The following ZNF831 variants were observed in gnomAD, a reference collection of about 807,000 sequenced individuals.
ZNF831 encodes the protein chromosome 20 open reading frame 174.
Under a neutral mutation model 95.8 loss-of-function variants are expected in ZNF831, and 59 were observed. That is an observed-to-expected ratio of 0.62 (90% CI 0.50 to 0.77). ZNF831 has a LOEUF of 0.77. Among genes scored for constraint, ZNF831 ranks in the 30% least tolerant of loss-of-function variants. The probability of loss-of-function intolerance (pLI) is 0.00; values close to 1 mark genes in which losing one functional copy is unlikely to be tolerated. For missense variants in ZNF831, 2,205 were observed against 2,164.0 expected, an observed-to-expected ratio of 1.02 and a Z score of -0.38; for synonymous variants, 961 against 925.5, an observed-to-expected ratio of 1.04 and a Z score of -0.70.
chr20:59,236,419 C>T (rs903267021), intron 4 of ZNF831, among the ~76,000 whole-genome samples: 2 of 152,148 alleles, frequency 1.3e-5, no homozygotes, highest in Non-Finnish European at 2.9e-5. Flanking sequence ...TTCCTCTCCT[C>T]TGCATGAGGG....
intron 3 of ZNF831, among the ~76,000 whole-genome samples, chr20:59,197,977 G>T (rs1601385009): frequency 6.6e-6 from 1 of 152,192 alleles, no homozygotes; most frequent in African/African-American, 2.4e-5. Flanking sequence ...AAGCCTCCAG[G>T]CATCATTGGA....
At chr20:59,218,839 C>A (rs186890003) in intron 4 of ZNF831, among the ~76,000 whole-genome samples, 117 of 152,020 alleles carry the variant, frequency 7.7e-4, no homozygotes, top group Non-Finnish European at 1.3e-3. Context: ...ATGGTGAAAC[C>A]CCCTCTCTAC....
intron 1 of ZNF831, among the ~76,000 whole-genome samples, chr20:59,180,773 A>G (rs544091136): frequency 3.0e-4 from 46 of 152,324 alleles, no homozygotes; most frequent in Middle Eastern, 3.4e-3. Context: ...CCAGTCTATC[A>G]CTGATGGGCA....
At chr20:59,160,148 G>A (rs1372357976), upstream of ZNF831, 1 of 152,420 alleles carries the variant, frequency 6.6e-6, no homozygotes, top group African/African-American at 2.4e-5. Flanking sequence ...CCCAGCCCTG[G>A]GGAGACTCCA....
At chr20:59,223,639 A>G (rs1986245338) in intron 4 of ZNF831, among the ~76,000 whole-genome samples, 1 of 152,170 alleles carries the variant, frequency 6.6e-6, no homozygotes, top group Non-Finnish European at 1.5e-5. Context: ...CATCTGTAAA[A>G]TGGGGGTGAT....
chr20:59,138,996 A>G (rs1248075787), intron 1 of ZNF831, among the ~76,000 whole-genome samples: 2 of 151,636 alleles, frequency 1.3e-5, no homozygotes, highest in Non-Finnish European at 1.5e-5. Flanking sequence ...GCCACTTTCA[A>G]TTCTGTTTCC....
rs1983753031 is a variant in ZNF831, at chr20:59,193,118, A to C, written c.2099A>C (p.Glu700Ala). The C allele has an allele frequency of 6.3e-7, 1 of 1,587,466 alleles. No homozygotes were observed. Among genetic ancestry groups the C allele is most frequent in the Admixed American group, 1.8e-5 (1 of 55,192 alleles). Residue 700 changes from glutamate (E) to alanine (A), a missense_variant, in exon 2 of 6, where the codon GAG becomes GCG. Glu to Ala is a moderately radical substitution (Grantham distance 107, BLOSUM62 -1). Transcript: ENST00000371030. The part of the protein sequence containing the change: ...PEPWGNPPAL[E>A]ASLVTEPTKH... ...CCTTGGGGAAATCCACCAGCCCTGG[A>C]GGCCTCCTTGGTGACTGAACCCACT...
chr20:59,234,097 G>A (rs6015462), intron 4 of ZNF831, among the ~76,000 whole-genome samples: 5,161 of 152,292 alleles, frequency 0.034, 286 homozygotes, highest in African/African-American at 0.12. Flanking sequence ...GCCACAGAAC[G>A]TAGAGGGGTG....
intron 4 of ZNF831, among the ~76,000 whole-genome samples, chr20:59,232,792 C>T (rs896115471): frequency 1.3e-5 from 2 of 152,172 alleles, no homozygotes; most frequent in African/African-American, 4.8e-5. Context: ...AGATGAGCCA[C>T]GGACCACAGA....
intron 1 of ZNF831, among the ~76,000 whole-genome samples, chr20:59,137,163 C>T (rs926645647): frequency 1.3e-5 from 2 of 152,166 alleles, no homozygotes; most frequent in African/African-American, 4.8e-5. Context: ...CTTGCTTAAG[C>T]CACTGTTATT....
chr20:59,221,852 C>T (rs1406028828), intron 4 of ZNF831, among the ~76,000 whole-genome samples: 1 of 152,146 alleles, frequency 6.6e-6, no homozygotes, highest in African/African-American at 2.4e-5. Context: ...CCTGGCGTGC[C>T]GGGAACGGAC....
chr20:59,198,255 C>A (rs527855774), intron 3 of ZNF831, among the ~76,000 whole-genome samples: 91 of 152,296 alleles, frequency 6.0e-4, no homozygotes, highest in Non-Finnish European at 1.1e-3. Context: ...CCTTATTAGG[C>A]CAGTGCTCTA....
chr20:59,248,549 A>C (rs1244321845), intron 4 of ZNF831, among the ~76,000 whole-genome samples: 1 of 152,258 alleles, frequency 6.6e-6, no homozygotes, highest in African/African-American at 2.4e-5. Flanking sequence ...AAATGTGCAC[A>C]TGACCTTTCT....
At chr20:59,249,483 G>C (rs1987779680) in intron 4 of ZNF831, among the ~76,000 whole-genome samples, 1 of 152,078 alleles carries the variant, frequency 6.6e-6, no homozygotes. Context: ...AGCTCTTGAG[G>C]GCCAGCGTCA....
chr20:59,167,428 CAAA>C (rs11477789), intron 1 of ZNF831, among the ~76,000 whole-genome samples: 6 of 139,386 alleles, frequency 4.3e-5, no homozygotes, highest in Non-Finnish European at 7.8e-5. Context: ...TTGCACAGAG[CAAA>C]AAAAAAAAAA....
intron 1 of ZNF831, among the ~76,000 whole-genome samples, chr20:59,177,710 G>A (rs1982283617): frequency 6.6e-6 from 1 of 152,182 alleles, no homozygotes; most frequent in Admixed American, 6.5e-5. Context: ...GGATTGCTTG[G>A]CTCAGCTCCA....
In ZNF831 at chr20:59,254,924, T is replaced by C. The variant is rs1411809268; in HGVS notation, c.*181T>C. ...CTGACCCCCAACTCAGCCGCAGCGT[T>C]CCCCAGCTCCCCTTGGGAGTGCTCT... On this transcript the variant is annotated 3_prime_UTR_variant, in exon 6 of 6. Transcript: ENST00000371030. The surrounding 1 kb of genome is among the most constrained non-coding windows in gnomAD (Gnocchi z 4.5). The C allele has an allele frequency of 4.0e-6, 3 of 751,366 alleles. No homozygotes were observed. The African/African-American group carries it at 5.3e-5, about 13-fold the overall frequency. 46.5% of individuals were successfully genotyped at this position (751,366 alleles called of 1,614,324 possible). A position where few individuals can be genotyped will look rare whatever the true frequency, so the allele number is the denominator to read the frequency against.
chr20:59,146,054 CG>C (rs1979843548), intron 1 of ZNF831, among the ~76,000 whole-genome samples: 1 of 152,024 alleles, frequency 6.6e-6, no homozygotes, highest in Non-Finnish European at 1.5e-5. Context: ...ACAGAGCTGC[CG>C]TGGCACTGAG....
At chr20:59,154,460 T>C (rs969736920) in intron 2 of ZNF831, among the ~76,000 whole-genome samples, 27 of 152,174 alleles carry the variant, frequency 1.8e-4, no homozygotes, top group Admixed American at 1.6e-3. Flanking sequence ...TCCCCTGCGA[T>C]TGGTACCTCC....
Sources: allele counts gnomAD v4.1 joint callset (sites outside exome capture counted in the v4.1 genomes callset), GRCh38; gene constraint gnomAD v4.1.1; non-coding constraint Gnocchi (gnomAD v3.1); transcripts MANE v1.5; gene names NCBI Gene and HGNC (gene_info 2026-07-23, HGNC 2026-07-21).